The following ABCA13 variants were observed in gnomAD, a reference collection of about 807,000 sequenced individuals.
ABCA13 encodes the protein ATP-binding cassette sub-family A member 13.
Under a neutral mutation model 478.7 loss-of-function variants are expected in ABCA13, and 476 were observed. The observed-to-expected ratio is 0.99, with a 90% confidence interval of 0.92 to 1.07. The LOEUF is 1.07. Ranked by LOEUF, ABCA13 falls within the 50% of genes least tolerant of loss-of-function variation. The pLI, the probability that ABCA13 is intolerant of heterozygous loss-of-function variation, is 0.00. For synonymous variants in ABCA13, 2,252 were observed against 2,158.9 expected, an observed-to-expected ratio of 1.04 and a Z score of -1.20; for missense variants, 6,060 against 5,910.6, an observed-to-expected ratio of 1.03 and a Z score of -0.83.
rs549905634 is a variant in ABCA13, at chr7:48,481,017, T to G, written c.12976-19T>G. 9 of 1,534,790 alleles carry G rather than the reference T, an allele frequency of 5.9e-6. No individual in the cohort carries two copies. The East Asian group carries it at 2.2e-4, about 37-fold the overall frequency. On this transcript the variant is annotated intron_variant, in intron 45 of 61. Coordinates refer to ENST00000435803, the MANE Select transcript of ABCA13 (RefSeq NM_152701.5). ...AATTATAAAAAAGTTTGTTTTTATC[T>G]TTTTGAAAACAATTTCAGAAGTGTC...
In ABCA13 at chr7:48,272,905, T is replaced by C; in HGVS notation, c.3239T>C (p.Phe1080Ser). The change falls in exon 17 of 62, where the codon TTT becomes TCT. Residue 1080 changes from phenylalanine to serine, a missense_variant. By Grantham distance (155) the Phe-to-Ser change is radical. Transcript: ENST00000435803. ...IIDEDFRISL[F>S]QYMSQFFNSS... is the part of the protein sequence containing the mutation. ...GATGAAGATTTTCGTATTTCTTTAT[T>C]TCAATATATGAGCCAATTCTTCAAC... 6.2e-7 allele frequency: 1 copy of C among 1,611,600 alleles called. No homozygotes were observed. Among genetic ancestry groups the C allele is most frequent in the South Asian group, 1.1e-5 (1 of 90,772 alleles).
intron 44 of ABCA13, among the ~76,000 whole-genome samples, chr7:48,468,069 C>A (rs563921773): frequency 1.3e-5 from 2 of 152,048 alleles, no homozygotes; most frequent in Non-Finnish European, 2.9e-5. Context: ...TAACCTAGGG[C>A]CCCATGGGGT....
intron 3 of ABCA13, among the ~76,000 whole-genome samples, chr7:48,213,663 G>C (rs1786020542): frequency 6.6e-6 from 1 of 152,136 alleles, no homozygotes; most frequent in East Asian, 1.9e-4. Context: ...CTGTTTTATA[G>C]CATTTACTTA....
chr7:48,297,103 A>G (rs910710821), intron 21 of ABCA13, 129 bp from the exon 22 acceptor site: 6 of 775,856 alleles, frequency 7.7e-6, no homozygotes, highest in South Asian at 6.6e-5. Flanking sequence ...TAATTGTTGC[A>G]GGAACTTTAT....
At chr7:48,410,244 C>G (rs1290849411) in intron 39 of ABCA13, among the ~76,000 whole-genome samples, 2 of 151,856 alleles carry the variant, frequency 1.3e-5, no homozygotes, top group African/African-American at 4.8e-5. Context: ...CACAAGCACT[C>G]TGTTTTGCCC....
rs1808809248 is a variant in ABCA13 at position 48,350,587 on chromosome 7, G to A, written c.10205-56G>A. ...TTGCACAATCTCCACTATATGAGTG[G>A]TAAGCACTGGGGGGATACAGAAGTT... On this transcript the variant is annotated intron_variant, in intron 29 of 61. Transcript: ENST00000435803. 5 of 1,457,730 alleles carry A rather than the reference G, an allele frequency of 3.4e-6. No individual in the cohort carries two copies. The African/African-American group carries it at 5.7e-5, about 16-fold the overall frequency. 90.3% of individuals were successfully genotyped at this position (1,457,730 alleles called of 1,614,324 possible). A position where few individuals can be genotyped will look rare whatever the true frequency, so the allele number is the denominator to read the frequency against.
intron 41 of ABCA13, among the ~76,000 whole-genome samples, chr7:48,419,100 C>T (rs1014433836): frequency 1.3e-5 from 2 of 152,116 alleles, no homozygotes; most frequent in Non-Finnish European, 2.9e-5. Flanking sequence ...CAAGAACTCA[C>T]TCACTCGCTA....
At chr7:48,581,214 A>ATT (rs1788677309) in intron 56 of ABCA13, among the ~76,000 whole-genome samples, 2 of 152,140 alleles carry the variant, frequency 1.3e-5, no homozygotes, top group Non-Finnish European at 2.9e-5. Flanking sequence ...GGGAGAGGGA[A>ATT]AATTCTAGGA....
chr7:48,262,462 C>T (rs899411980), intron 15 of ABCA13, among the ~76,000 whole-genome samples: 1 of 151,926 alleles, frequency 6.6e-6, no homozygotes, highest in African/African-American at 2.4e-5. Flanking sequence ...ACTTTACCCT[C>T]TTTTGATTTC....
intron 42 of ABCA13, among the ~76,000 whole-genome samples, chr7:48,439,940 G>A (rs1823355943): frequency 6.6e-6 from 1 of 152,188 alleles, no homozygotes; most frequent in African/African-American, 2.4e-5. Context: ...GTCATTGGGG[G>A]CCACTTTAGA....
intron 15 of ABCA13, among the ~76,000 whole-genome samples, chr7:48,251,219 C>T (rs180807452): frequency 8.1e-4 from 123 of 152,280 alleles, no homozygotes; most frequent in African/African-American, 2.9e-3. Context: ...TCCTATACTA[C>T]CTGTCCTCAT....
intron 27 of ABCA13, among the ~76,000 whole-genome samples, chr7:48,333,288 A>G (rs1410302560): frequency 6.6e-6 from 1 of 152,108 alleles, no homozygotes; most frequent in Non-Finnish European, 1.5e-5. Flanking sequence ...TGGAGAATCC[A>G]TGTGGTTCTT....
In ABCA13 at chr7:48,350,838, A is replaced by C; in HGVS notation, c.10381+19A>C. 1 of 1,604,822 alleles carries C rather than the reference A, an allele frequency of 6.2e-7. No individual in the cohort carries two copies. The highest frequency in any genetic ancestry group is 1.1e-5 in the South Asian group (1 of 89,994). ...TTGGCCAGTAAGTACTCAATGAAAAAATATGTTCGCCAAGATGCCAACTCC... is the reference window on the plus strand; with the variant it reads ...TTGGCCAGTAAGTACTCAATGAAAACATATGTTCGCCAAGATGCCAACTCC... On this transcript the variant is annotated intron_variant, in intron 30 of 61. Coordinates refer to ENST00000435803, the MANE Select transcript of ABCA13 (RefSeq NM_152701.5).
At chr7:48,451,017 AG>A (rs1412932414) in intron 42 of ABCA13, among the ~76,000 whole-genome samples, 1 of 114,464 alleles carries the variant, frequency 8.7e-6, no homozygotes, top group Non-Finnish European at 1.7e-5. Flanking sequence ...TTTTTTTTGG[AG>A]ATGGAGTCTC....
chr7:48,596,398 A>C (rs1790278635), intron 58 of ABCA13, among the ~76,000 whole-genome samples: 1 of 152,180 alleles, frequency 6.6e-6, no homozygotes, highest in Admixed American at 6.5e-5. Context: ...TAACCACTGT[A>C]AGTATGGAAT....
At chr7:48,349,475 A>C (rs1266121324) in intron 29 of ABCA13, among the ~76,000 whole-genome samples, 2 of 152,052 alleles carry the variant, frequency 1.3e-5, no homozygotes, top group Non-Finnish European at 2.9e-5. Flanking sequence ...ATGTCAACTG[A>C]TTTTTCTACA....
At chr7:48,644,592 T>C in intron 60 of ABCA13, 25 bp from the exon 61 acceptor site, 1 of 187,836 alleles carries the variant, frequency 5.3e-6, no homozygotes. Context: ...TATGATACTT[T>C]TTTTTTTTTT....
At chr7:48,617,096 C>T (rs1374972665) in intron 59 of ABCA13, among the ~76,000 whole-genome samples, 3 of 152,100 alleles carry the variant, frequency 2.0e-5, no homozygotes, top group Admixed American at 6.6e-5. Context: ...CTATAATAAA[C>T]AAACACATGA....
chr7:48,255,834 G>GACT (rs1793305410), intron 15 of ABCA13, among the ~76,000 whole-genome samples: 1 of 152,174 alleles, frequency 6.6e-6, no homozygotes, highest in Non-Finnish European at 1.5e-5. Flanking sequence ...ACAATAATGG[G>GACT]ACTGCTGGGT....
Sources: gnomAD v4.1 joint callset for allele counts (sites outside exome capture counted in the v4.1 genomes callset) on GRCh38, gnomAD v4.1.1 for gene constraint, MANE v1.5 for transcripts, NCBI Gene and HGNC (gene_info 2026-07-23, HGNC 2026-07-21) for gene names.